Variants in DPP6 observed in about 807,000 individuals in gnomAD.
The protein encoded by DPP6 is A-type potassium channel modulatory protein DPP6.
DPP6 carries 69 observed loss-of-function variants against 122.6 expected under a neutral mutation model. That is an observed-to-expected ratio of 0.56 (90% CI 0.46 to 0.69). The LOEUF is 0.69. DPP6 is among the 30% of genes least tolerant of loss of function. The pLI, the probability that DPP6 is intolerant of heterozygous loss-of-function variation, is 0.00. For synonymous variants in DPP6, 418 were observed against 433.1 expected (o/e 0.97, Z 0.43); for missense variants, 928 against 1,116.9 (o/e 0.83, Z 2.41).
chr7:154,816,065 C>T (rs1174177129), intron 16 of DPP6, among the ~76,000 whole-genome samples: 1 of 152,096 alleles, frequency 6.6e-6, no homozygotes, highest in Non-Finnish European at 1.5e-5. Flanking sequence ...AGTATGGAAC[C>T]GTAGAGCTGG....
At chr7:154,627,000 C>CTTTTTTTTTTTTTTTTTTTTTTTTTT (rs552919287) in intron 5 of DPP6, among the ~76,000 whole-genome samples, 5 of 52,092 alleles carry the variant, frequency 9.6e-5, no homozygotes, top group Non-Finnish European at 1.3e-4. Flanking sequence ...GAAATTTTTT[C>CTTTTTTTTTTTTTTTTTTTTTTTTTT]TTTTTTTTTT....
chr7:154,285,512 A>C (rs1804792184), intron 1 of DPP6, among the ~76,000 whole-genome samples: 1 of 152,148 alleles, frequency 6.6e-6, no homozygotes. Flanking sequence ...TGATCTGCCC[A>C]CCTTGGCCTC....
At chr7:154,153,662 C>G (rs1796537281) in intron 1 of DPP6, among the ~76,000 whole-genome samples, 1 of 152,206 alleles carries the variant, frequency 6.6e-6, no homozygotes, top group Admixed American at 6.5e-5. Context: ...CAGGGGTCAG[C>G]AAAATTCTAC....
intron 1 of DPP6, among the ~76,000 whole-genome samples, chr7:153,968,301 T>C (rs1270192801): frequency 6.6e-6 from 1 of 151,806 alleles, no homozygotes; most frequent in Non-Finnish European, 1.5e-5. Context: ...ATTTCCCTGA[T>C]GATGAGTGAT....
At chr7:154,507,789 T>G (rs143658958) in intron 3 of DPP6, among the ~76,000 whole-genome samples, 1,535 of 152,272 alleles carry the variant, frequency 0.01, 17 homozygotes, top group African/African-American at 0.034. Flanking sequence ...GTGCTCTTAG[T>G]GAGGAAGCCA....
chr7:153,963,921 AGGT>A (rs1490102207), intron 1 of DPP6, among the ~76,000 whole-genome samples: 2 of 152,196 alleles, frequency 1.3e-5, no homozygotes, highest in Admixed American at 6.5e-5. Flanking sequence ...CTTGCAGCAG[AGGT>A]GACTGATGAG....
In DPP6 at chr7:153,908,973, C is replaced by G. The variant is rs115545743; in HGVS notation, c.51+21239C>G. 4.2e-3 allele frequency among the ~76,000 whole-genome samples: 632 copies of G among 152,154 alleles called. 5 individuals are homozygous for G. Among genetic ancestry groups the G allele is most frequent in the African/African-American group, 0.014 (595 of 41,508 alleles). ...TTCACTATATTGGCCAGGCCGGTCT[C>G]GAACTCCTAACCTCATGATCTGCCC... On this transcript the variant is annotated intron_variant, in intron 1 of 25. Coordinates refer to the DPP6 transcript ENST00000404039.
chr7:154,701,593 G>A (rs188548082), intron 7 of DPP6, among the ~76,000 whole-genome samples: 7 of 152,322 alleles, frequency 4.6e-5, no homozygotes, highest in Non-Finnish European at 7.3e-5. Flanking sequence ...AGTTACTGGA[G>A]TAGTCCCTGA....
At chr7:153,904,251 T>C (rs142194994) in intron 1 of DPP6, among the ~76,000 whole-genome samples, 2,056 of 152,176 alleles carry the variant, frequency 0.014, 54 homozygotes, top group African/African-American at 0.048. Context: ...GGGGTTTCAC[T>C]GTGTTGGCCA....
At chr7:153,788,953 G>A in the DPP6 span, among the ~76,000 whole-genome samples, 4 of 142,100 alleles carry the variant, frequency 2.8e-5, no homozygotes, top group East Asian at 2.0e-4. Context: ...CAACATGAGC[G>A]AAAGTCTGTC....
intron 1 of DPP6, among the ~76,000 whole-genome samples, chr7:153,929,858 A>T (rs534049528): frequency 6.6e-6 from 1 of 152,224 alleles, no homozygotes; most frequent in Admixed American, 6.5e-5. Flanking sequence ...GAAGTGAATT[A>T]TGTTCATTTT....
At chr7:154,519,683 T>C (rs1826815319) in intron 3 of DPP6, among the ~76,000 whole-genome samples, 2 of 152,278 alleles carry the variant, frequency 1.3e-5, no homozygotes, top group South Asian at 4.1e-4. Context: ...ACACTGGCCT[T>C]CCTGCTGTTT....
At chr7:154,429,287 G>C (rs11976419) in intron 1 of DPP6, among the ~76,000 whole-genome samples, 15,553 of 152,160 alleles carry the variant, frequency 0.1, 854 homozygotes, top group Non-Finnish European at 0.12. Flanking sequence ...GCACAGCAAG[G>C]CCTAACGAAT....
intron 7 of DPP6, among the ~76,000 whole-genome samples, chr7:154,706,408 G>C (rs529554753): frequency 6.6e-6 from 1 of 152,140 alleles, no homozygotes; most frequent in Non-Finnish European, 1.5e-5. Context: ...AAGACCCTCA[G>C]GGTGCCCTGT....
the DPP6 span, among the ~76,000 whole-genome samples, chr7:153,874,348 A>G: frequency 4.7e-3 from 723 of 152,264 alleles, 8 homozygotes; most frequent in African/African-American, 0.016. Context: ...GCATGTTTGT[A>G]AAACTAAATC....
intron 1 of DPP6, among the ~76,000 whole-genome samples, chr7:154,165,459 A>G (rs1260179762): frequency 1.0e-4 from 15 of 150,362 alleles, no homozygotes; most frequent in African/African-American, 2.5e-4. Context: ...TAATGCCTCA[A>G]TAAACATACG....
intron 1 of DPP6, among the ~76,000 whole-genome samples, chr7:154,234,880 G>GA (rs1563348433): frequency 6.6e-6 from 1 of 152,104 alleles, no homozygotes; most frequent in African/African-American, 2.4e-5. Flanking sequence ...CCCCTGCATG[G>GA]AACAGAGCCG....
chr7:154,623,620 C>T (rs906061543), intron 5 of DPP6, among the ~76,000 whole-genome samples: 6 of 148,512 alleles, frequency 4.0e-5, no homozygotes, highest in African/African-American at 7.4e-5. Context: ...CGCACGTACA[C>T]GCGCACACAT....
chr7:154,270,091 C>G (rs994502664), intron 1 of DPP6, among the ~76,000 whole-genome samples: 3 of 152,104 alleles, frequency 2.0e-5, no homozygotes, highest in African/African-American at 7.2e-5. Flanking sequence ...ATTTTCCCAT[C>G]GAGTTAAAGG....
Sources: allele counts gnomAD v4.1 joint callset (sites outside exome capture counted in the v4.1 genomes callset), GRCh38; gene constraint gnomAD v4.1.1; transcripts MANE v1.5; gene names NCBI Gene and HGNC (gene_info 2026-07-23, HGNC 2026-07-21).